LMTK2: variants seen among roughly 807,000 people sequenced by gnomAD.
LMTK2 encodes the protein serine/threonine-protein kinase LMTK2.
In LMTK2, 37 loss-of-function variants were observed where a neutral mutation model predicts 127.5. The ratio of observed to expected loss-of-function variants is 0.29; its 90% CI spans 0.22 to 0.38. The LOEUF (loss-of-function observed/expected upper bound fraction) is 0.38. Ranked by LOEUF, LMTK2 falls within the 10% of genes least tolerant of loss-of-function variation. The pLI is 1.00. For missense variants in LMTK2, 1,694 were observed against 1,920.3 expected, an observed-to-expected ratio of 0.88 and a Z score of 2.20; for synonymous variants, 819 against 810.1, an observed-to-expected ratio of 1.01 and a Z score of -0.19.
chr7:98,145,874 T>A (rs993466085), intron 3 of LMTK2, among the ~76,000 whole-genome samples: 2 of 152,212 alleles, frequency 1.3e-5, no homozygotes, highest in Non-Finnish European at 2.9e-5. Flanking sequence ...GTGTCATATT[T>A]AAGAAACTAT....
At chr7:98,156,024 A>G (rs573008823) in intron 5 of LMTK2, among the ~76,000 whole-genome samples, 1 of 152,182 alleles carries the variant, frequency 6.6e-6, no homozygotes, top group Admixed American at 6.5e-5. Flanking sequence ...CTCAACAGAA[A>G]AAAAAAACCT....
chr7:98,135,419 C>T (rs1010457106), intron 1 of LMTK2, among the ~76,000 whole-genome samples: 8 of 152,082 alleles, frequency 5.3e-5, no homozygotes, highest in African/African-American at 1.9e-4. Context: ...CTGAAGCCAT[C>T]CTCCCACTCA....
intron 4 of LMTK2, among the ~76,000 whole-genome samples, chr7:98,151,799 T>A (rs1262467606): frequency 4.6e-5 from 7 of 152,230 alleles, no homozygotes; most frequent in Admixed American, 1.3e-4. Context: ...AGGTGGCACT[T>A]TCCTGCTGCG....
chr7:98,118,054 G>A (rs1330823804), intron 1 of LMTK2, among the ~76,000 whole-genome samples: 1 of 152,170 alleles, frequency 6.6e-6, no homozygotes, highest in Non-Finnish European at 1.5e-5. Context: ...TTGATCCTCT[G>A]CTTCCTGTAC....
In LMTK2 at chr7:98,182,396, A is replaced by C. The variant is rs534692135; in HGVS notation, c.792-2655A>C. On this transcript the variant is annotated intron_variant, in intron 7 of 13. Coordinates refer to ENST00000297293, the MANE Select transcript of LMTK2 (RefSeq NM_014916.4). The stretch of plus-strand genomic sequence containing the variant: ...AGAATTCGTGCAACTCAACAACAAA[A>C]CAAACAGCTTGATTAGAAAATGAAG... Among the ~76,000 whole-genome samples the C allele has an allele frequency of 5.9e-5, 9 of 152,338 alleles. No individual in the cohort carries two copies. The South Asian group carries it at 1.9e-3, about 32-fold the overall frequency.
At chr7:98,169,806 G>GA (rs925444829) in intron 6 of LMTK2, among the ~76,000 whole-genome samples, 87 of 143,432 alleles carry the variant, frequency 6.1e-4, no homozygotes, top group African/African-American at 1.2e-3. Context: ...GTTTTTACAA[G>GA]AAAAAAAAAA....
chr7:98,169,720 T>G lies in LMTK2; in HGVS notation c.658-1821T>G, dbSNP rs907422381. On this transcript the variant is annotated intron_variant, in intron 6 of 13. Transcript: ENST00000297293. ...TTGCTGGAATTTTTCTGGGTGAATTTAATTGTCTTCTGAATCATTTGTTAT... is the reference window on the plus strand; with the variant it reads ...TTGCTGGAATTTTTCTGGGTGAATTGAATTGTCTTCTGAATCATTTGTTAT... Among the ~76,000 whole-genome samples the G allele has an allele frequency of 3.3e-5, 5 of 152,204 alleles. No individual in the cohort carries two copies. The East Asian group carries it at 7.7e-4, about 23-fold the overall frequency.
chr7:98,149,214 C>T (rs1005227955), intron 3 of LMTK2, among the ~76,000 whole-genome samples: 21 of 152,198 alleles, frequency 1.4e-4, no homozygotes, highest in African/African-American at 4.8e-4. Context: ...CCACTGTGCT[C>T]CCCGTGGACC....
chr7:98,137,503 C>T, intron 2 of LMTK2, 61 bp downstream of exon 2: 1 of 1,499,610 alleles, frequency 6.7e-7, no homozygotes, highest in East Asian at 2.3e-5. Flanking sequence ...AATAGAATAA[C>T]TGGATAGCAC....
At position 98,208,283 on chromosome 7, in the gene LMTK2, TG is replaced by T. The variant is rs913021643; in HGVS notation, c.*2792del. ...TTTATAATCAACACGTGGGTTAACA[TG>T]TTTTTTTGAAATCCAAGCAATACAC... On this transcript the variant is annotated 3_prime_UTR_variant, in exon 14 of 14. Coordinates refer to ENST00000297293, the MANE Select transcript of LMTK2 (RefSeq NM_014916.4). The T allele has an allele frequency of 2.6e-5, 4 of 152,200 alleles. No individual in the cohort carries two copies. The highest frequency in any genetic ancestry group is 9.7e-5 in the African/African-American group (4 of 41,446). 9.4% of individuals were successfully genotyped at this position (152,200 alleles called of 1,614,324 possible).
chr7:98,143,994 A>G (rs1796733680), intron 3 of LMTK2, among the ~76,000 whole-genome samples: 1 of 152,246 alleles, frequency 6.6e-6, no homozygotes, highest in African/African-American at 2.4e-5. Context: ...TATTTGTGAT[A>G]TAGTACATGA....
chr7:98,126,875 C>T (rs1401991893), intron 1 of LMTK2: 1 of 152,184 alleles, frequency 6.6e-6, no homozygotes, highest in Non-Finnish European at 1.5e-5. Flanking sequence ...GTGATTAGCA[C>T]ACAGAGCGAT....
Position 98,192,888 on chromosome 7 carries a change from A to T in LMTK2, c.2423A>T (p.Gln808Leu). The change falls in exon 11 of 14, where the codon CAG (glutamine) becomes CTG (leucine). Residue 808 changes from glutamine (Q) to leucine (L), a missense_variant. This residue lies in a region of LMTK2 where 527 missense variants were observed against 539.8 expected (regional missense o/e 0.98). Coordinates refer to ENST00000297293, the MANE Select transcript of LMTK2 (RefSeq NM_014916.4). The part of the protein sequence containing the change: ...LTGDTLSTSL[Q>L]SSPEVQVPPT... ...GGTGACACTTTGAGCACCTCATTGC[A>T]GTCTTCCCCGGAAGTGCAGGTACCT... 6.2e-7 allele frequency: 1 copy of T among 1,614,178 alleles called. No individual in the cohort carries two copies. The highest frequency in any genetic ancestry group is 8.5e-7 in the Non-Finnish European group (1 of 1,180,008).
chr7:98,159,458 T>G (rs1796980675), intron 6 of LMTK2, 33 bp downstream of exon 6: 2 of 1,395,190 alleles, frequency 1.4e-6, no homozygotes, highest in Non-Finnish European at 2.0e-6. Context: ...AGTTCGAGTA[T>G]TCCAGAGGTT....
At chr7:98,191,563 A>G (rs767851009) in intron 10 of LMTK2, 51 bp from the exon 11 acceptor site, 1 of 1,499,644 alleles carries the variant, frequency 6.7e-7, no homozygotes, top group Non-Finnish European at 8.9e-7. Flanking sequence ...AACCAAAAAA[A>G]AAAAAAAAAT....
intron 3 of LMTK2, among the ~76,000 whole-genome samples, chr7:98,144,802 CT>C (rs1469313411): frequency 6.8e-6 from 1 of 146,098 alleles, no homozygotes; most frequent in African/African-American, 2.5e-5. Flanking sequence ...CTGCATCTTG[CT>C]TTTTTTTCAC....
chr7:98,156,061 A>G (rs763796236), intron 5 of LMTK2, among the ~76,000 whole-genome samples: 1 of 152,232 alleles, frequency 6.6e-6, no homozygotes, highest in Admixed American at 6.5e-5. Context: ...GAAGACATTA[A>G]GAGACATTTC....
At chr7:98,196,481 C>T (rs1389152432) in intron 11 of LMTK2, among the ~76,000 whole-genome samples, 1 of 152,184 alleles carries the variant, frequency 6.6e-6, no homozygotes, top group Non-Finnish European at 1.5e-5. Context: ...TGCATTTCTC[C>T]ATGGATGGGG....
chr7:98,116,954 G>C (rs539013356), intron 1 of LMTK2, among the ~76,000 whole-genome samples: 6 of 152,334 alleles, frequency 3.9e-5, no homozygotes, highest in Non-Finnish European at 5.9e-5. Flanking sequence ...TAGACTGGGG[G>C]TGTGGGTTTC....
Sources: gnomAD v4.1 joint callset for allele counts (sites outside exome capture counted in the v4.1 genomes callset) on GRCh38, gnomAD v4.1.1 for gene constraint, gnomAD v4.1.1 regional missense constraint, MANE v1.5 for transcripts, NCBI Gene and HGNC (gene_info 2026-07-23, HGNC 2026-07-21) for gene names.